Variants in SCLY observed in about 807,000 individuals in gnomAD.
The protein encoded by SCLY is selenocysteine lyase, also known as putative selenocysteine lyase.
In SCLY, 38 loss-of-function variants were observed where a neutral mutation model predicts 50.1. That is an observed-to-expected ratio of 0.76 (90% CI 0.59 to 0.99). The LOEUF is 0.99. Ranked by LOEUF, SCLY falls within the 50% of genes least tolerant of loss-of-function variation. SCLY has a pLI of 0.00. For missense variants in SCLY, 600 were observed against 620.0 expected (o/e 0.97, Z 0.34); for synonymous variants, 243 against 249.4 (o/e 0.97, Z 0.24).
chr2:238,064,269 C>T lies in SCLY; in HGVS notation c.90-88C>T, dbSNP rs1000142871. 8 of 741,666 alleles carry T rather than the reference C, an allele frequency of 1.1e-5. No individual in the cohort carries two copies. In the African/African-American group the frequency reaches 1.3e-4, roughly 12 times the overall value. 45.9% of individuals were successfully genotyped at this position (741,666 alleles called of 1,614,324 possible). Reference sequence around the variant, plus strand: ...CACCATGCCCTTGACATTATTTGCTCCTGCCGATGGGATAGACACAGAGCA... The same window carrying T: ...CACCATGCCCTTGACATTATTTGCTTCTGCCGATGGGATAGACACAGAGCA... On this transcript the variant is annotated intron_variant, in intron 1 of 11. Coordinates refer to ENST00000254663, the MANE Select transcript of SCLY (RefSeq NM_016510.7).
intron 7 of SCLY, among the ~76,000 whole-genome samples, chr2:238,087,758 A>T (rs2065313467): frequency 2.0e-5 from 3 of 152,218 alleles, no homozygotes. Flanking sequence ...AAAATATTTA[A>T]CAAAATGTTT....
rs182810761 is a variant in SCLY, at chr2:238,062,805, A to G, written c.90-1552A>G. On this transcript the variant is annotated intron_variant, in intron 1 of 11. Coordinates refer to ENST00000254663, the MANE Select transcript of SCLY (RefSeq NM_016510.7). ...CTTAACAGCCACAGTTAGTCATTGTATCTGGGTTTTCATGTGGATTGGTGT... is the reference window on the plus strand; with the variant it reads ...CTTAACAGCCACAGTTAGTCATTGTGTCTGGGTTTTCATGTGGATTGGTGT... 1.8e-3 allele frequency among the ~76,000 whole-genome samples: 280 copies of G among 152,378 alleles called. 1 individual carries two copies. Among genetic ancestry groups the G allele is most frequent in the African/African-American group, 6.3e-3 (260 of 41,590 alleles).
intron 7 of SCLY, among the ~76,000 whole-genome samples, chr2:238,084,600 A>AAAG (rs2065271468): frequency 6.9e-6 from 1 of 145,890 alleles, no homozygotes; most frequent in South Asian, 2.2e-4. Context: ...CAAAAAAAAA[A>AAAG]AAAAAAAAAA....
In SCLY at chr2:238,061,315, G is replaced by T; in HGVS notation, c.89+172G>T. ...GGATGCGAGCTTCAAGGAGGAGCGG[G>T]TGCGAGCTGTGGCCCCGCAAGGGCC... On this transcript the variant is annotated intron_variant, in intron 1 of 11. Transcript: ENST00000254663. 7.0e-6 allele frequency: 5 copies of T among 714,208 alleles called. 1 individual carries two copies. The highest frequency in any genetic ancestry group is 4.6e-4 in the Middle Eastern group (2 of 4,352). 44.2% of individuals were successfully genotyped at this position (714,208 alleles called of 1,614,324 possible).
chr2:238,069,278 T>C lies in SCLY; in HGVS notation c.304-19T>C, dbSNP rs372054127. 1.2e-5 allele frequency: 19 copies of C among 1,609,834 alleles called. No individual in the cohort carries two copies. In the African/African-American group the frequency reaches 2.5e-4, roughly 22 times the overall value. ...TCAGCACAGTTTTTGTAAATGCTTT[T>C]TTTGCTGTATCTCTGCAGTCAAATA... On this transcript the variant is annotated intron_variant, in intron 3 of 11. Coordinates refer to ENST00000254663, the MANE Select transcript of SCLY (RefSeq NM_016510.7). This position sits in a 1 kb window ranked among gnomAD's most constrained non-coding sequence, Gnocchi z 5.0.
Position 238,082,123 on chromosome 2 carries a change from C to T in SCLY, c.691C>T (p.His231Tyr). Residue 231 changes from histidine to tyrosine, a missense_variant, in exon 6 of 12, where the codon CAC becomes TAC. Coordinates refer to ENST00000254663, the MANE Select transcript of SCLY (RefSeq NM_016510.7). ...AGCTGGGCTACCTCCCATCCTCGTG[C>T]ACACGGATGCTGCACAGGCCTTGGG... ...VAAGLPPILVHTDAAQALGKQ... is the reference protein window; with the variant it reads ...VAAGLPPILVYTDAAQALGKQ... The T allele has an allele frequency of 6.2e-7, 1 of 1,613,322 alleles. No individual in the cohort carries two copies. The highest frequency in any genetic ancestry group is 1.1e-5 in the South Asian group (1 of 91,048).
chr2:238,072,202 C>T (rs1038021680), intron 4 of SCLY, among the ~76,000 whole-genome samples: 3 of 152,118 alleles, frequency 2.0e-5, no homozygotes, highest in African/African-American at 7.2e-5. Flanking sequence ...AAGGTTCACT[C>T]ATGTTGTAAC....
rs921696628 is a variant in SCLY, at chr2:238,061,897, C to T, written c.89+754C>T. ...ATTTTCTGGTTTGTGTGTCTTCTTT[C>T]CAGACCCCTCTTTTTCCTTTTTGTG... is the stretch of plus-strand genomic sequence containing the variant. On this transcript the variant is annotated intron_variant, in intron 1 of 11. Transcript: ENST00000254663. Among the ~76,000 whole-genome samples the T allele has an allele frequency of 5.3e-5, 8 of 152,248 alleles. No individual in the cohort carries two copies. The South Asian group carries it at 6.2e-4, about 12-fold the overall frequency.
rs1333428325 is a variant in SCLY, at chr2:238,069,695, G to A, written c.484+218G>A. ...CTCCCTGGCTGCCCCTCTCGGTGCA[G>A]AGGCCAGCTGCCACAAGGGGGTTGG... On this transcript the variant is annotated intron_variant, in intron 4 of 11. Coordinates refer to ENST00000254663, the MANE Select transcript of SCLY (RefSeq NM_016510.7). This position sits in a 1 kb window ranked among gnomAD's most constrained non-coding sequence, Gnocchi z 5.0. 3 of 459,618 alleles carry A rather than the reference G, an allele frequency of 6.5e-6. No individual in the cohort carries two copies. The highest frequency in any genetic ancestry group is 1.1e-5 in the Non-Finnish European group (3 of 264,204). 28.5% of individuals were successfully genotyped at this position (459,618 alleles called of 1,614,324 possible). A position where few individuals can be genotyped will look rare whatever the true frequency, so the allele number is the denominator to read the frequency against.
intron 4 of SCLY, among the ~76,000 whole-genome samples, chr2:238,076,419 A>C (rs1193060717): frequency 6.6e-6 from 1 of 152,126 alleles, no homozygotes; most frequent in Non-Finnish European, 1.5e-5. Flanking sequence ...GTAGGCATTT[A>C]AAGACATAAA....
At chr2:238,061,400 T>A in intron 1 of SCLY, 4 of 647,820 alleles carry the variant, frequency 6.2e-6, no homozygotes, top group South Asian at 6.1e-5. Flanking sequence ...GGTTTGCAGG[T>A]TCTGGGGAAG....
chr2:238,069,462 G>A lies in SCLY; in HGVS notation c.469G>A (p.Glu157Lys). The A allele has an allele frequency of 6.2e-7, 1 of 1,612,248 alleles. No individual in the cohort carries two copies. Among genetic ancestry groups the A allele is most frequent in the Non-Finnish European group, 8.5e-7 (1 of 1,179,118 alleles). Residue 157 changes from glutamate (E) to lysine (K), a missense_variant, in exon 4 of 12, where the codon GAA becomes AAA. Physicochemically the swap from Glu to Lys is moderately conservative, Grantham distance 56 (BLOSUM62 1). Transcript: ENST00000254663. This position sits in a 1 kb window ranked among gnomAD's most constrained non-coding sequence, Gnocchi z 5.0. ...SIRLPLEHLV[E>K]EQVAAVTFVP... Reference sequence around the variant, plus strand: ...CCGGCTGCCCCTGGAGCACCTGGTGGAAGAACAAGTGGCAGGTGAGTGAGT... The same window carrying A: ...CCGGCTGCCCCTGGAGCACCTGGTGAAAGAACAAGTGGCAGGTGAGTGAGT...
intron 4 of SCLY, among the ~76,000 whole-genome samples, chr2:238,078,209 C>T (rs1033307221): frequency 6.6e-6 from 1 of 152,158 alleles, no homozygotes; most frequent in African/African-American, 2.4e-5. Context: ...CTACCTTGGC[C>T]TCCCAAAGTG....
At chr2:238,062,646 A>G (rs984095526) in intron 1 of SCLY, among the ~76,000 whole-genome samples, 3 of 152,236 alleles carry the variant, frequency 2.0e-5, no homozygotes, top group African/African-American at 4.8e-5. Flanking sequence ...TCCTGACCTC[A>G]GGTGATCTGC....
At chr2:238,075,174 G>A (rs954585539) in intron 4 of SCLY, among the ~76,000 whole-genome samples, 1 of 152,254 alleles carries the variant, frequency 6.6e-6, no homozygotes, top group Non-Finnish European at 1.5e-5. Flanking sequence ...TTATTGAGAT[G>A]ATCATGTGGG....
Position 238,096,848 on chromosome 2 carries a change from G to A in SCLY, c.1156G>A (p.Ala386Thr). ...CCGAGTGCTGATGGCCAGTGTGGGG[G>A]CCGCGTGCCACTCGGACCACGGGGA... ...QCRVLMASVG[A>T]ACHSDHGDQP... Residue 386 changes from alanine (A) to threonine (T), a missense_variant, in exon 11 of 12, where the codon GCC becomes ACC. Ala to Thr is a moderately conservative substitution (Grantham distance 58). Transcript: ENST00000254663. The A allele has an allele frequency of 1.2e-6, 2 of 1,612,438 alleles. No individual in the cohort carries two copies. The highest frequency in any genetic ancestry group is 2.7e-5 in the African/African-American group (2 of 75,050).
At chr2:238,091,542 A>ACGAC in intron 8 of SCLY, 10 of 361,638 alleles carry the variant, frequency 2.8e-5, no homozygotes, top group Admixed American at 8.6e-5. Context: ...GTCAAGCTGC[A>ACGAC]GGTTCACCAT....
At chr2:238,073,610 A>G (rs1307640312) in intron 4 of SCLY, among the ~76,000 whole-genome samples, 1 of 152,058 alleles carries the variant, frequency 6.6e-6, no homozygotes, top group African/African-American at 2.4e-5. Context: ...TTGTAGATGG[A>G]ATTGTTTTCT....
chr2:238,061,098 C>T lies in SCLY; in HGVS notation c.44C>T (p.Ala15Val). 7.1e-7 allele frequency: 1 copy of T among 1,404,786 alleles called. No homozygotes were observed. 87.0% of individuals were successfully genotyped at this position (1,404,786 alleles called of 1,614,324 possible). ...VAPGRDAPAP[A>V]ASQPSGCGKH... ...CCGGGGAGGGATGCGCCGGCACCCGCGGCGAGTCAGCCCAGCGGCTGCGGG... is the reference window on the plus strand; with the variant it reads ...CCGGGGAGGGATGCGCCGGCACCCGTGGCGAGTCAGCCCAGCGGCTGCGGG... Residue 15 changes from alanine to valine, a missense_variant, in exon 1 of 12, where the codon GCG becomes GTG. By Grantham distance (64) the Ala-to-Val change is moderately conservative. Coordinates refer to ENST00000254663, the MANE Select transcript of SCLY (RefSeq NM_016510.7).
Sources: allele counts gnomAD v4.1 joint callset (sites outside exome capture counted in the v4.1 genomes callset), GRCh38; gene constraint gnomAD v4.1.1; non-coding constraint Gnocchi (gnomAD v3.1); transcripts MANE v1.5; gene names NCBI Gene and HGNC (gene_info 2026-07-23, HGNC 2026-07-21).